ATXN8OS: variants seen among roughly 807,000 people sequenced by gnomAD.
ATXN8OS encodes ATXN8 opposite strand lncRNA.
At chr13:70,145,720 GA>G (rs1488472431) in intron 3 of ATXN8OS, among the ~76,000 whole-genome samples, 1 of 152,110 alleles carries the variant, frequency 6.6e-6, no homozygotes, top group Non-Finnish European at 1.5e-5. Flanking sequence ...AGACTTTGCT[GA>G]AGTTGCTTCT....
intron 2 of ATXN8OS, among the ~76,000 whole-genome samples, chr13:70,128,350 T>C (rs1888474621): frequency 6.6e-6 from 1 of 152,170 alleles, no homozygotes; most frequent in African/African-American, 2.4e-5. Flanking sequence ...CCACTGTTCT[T>C]TCTGAACATT....
chr13:70,132,307 ATTTT>A (rs11301182), intron 3 of ATXN8OS, among the ~76,000 whole-genome samples: 21 of 142,324 alleles, frequency 1.5e-4, no homozygotes, highest in African/African-American at 4.4e-4. Flanking sequence ...CAAAATTATG[ATTTT>A]TTTTTTTTTT....
At chr13:70,137,930 A>G (rs1454310775) in intron 3 of ATXN8OS, among the ~76,000 whole-genome samples, 1 of 152,200 alleles carries the variant, frequency 6.6e-6, no homozygotes, top group East Asian at 1.9e-4. Context: ...ACAGAAAGTG[A>G]AGGGGAAGAA....
intron 1 of ATXN8OS, among the ~76,000 whole-genome samples, chr13:70,114,316 G>C (rs1359028604): frequency 6.6e-6 from 1 of 152,032 alleles, no homozygotes; most frequent in African/African-American, 2.4e-5. Flanking sequence ...TATAACTCTA[G>C]TCACTGGCCA....
intron 1 of ATXN8OS, among the ~76,000 whole-genome samples, chr13:70,110,409 G>A (rs983794556): frequency 2.0e-5 from 3 of 151,912 alleles, no homozygotes; most frequent in African/African-American, 7.3e-5. Flanking sequence ...TACGCATGAA[G>A]TTATGTTAAA....
intron 4 of ATXN8OS, among the ~76,000 whole-genome samples, chr13:70,152,824 TTA>T (rs1888887992): frequency 6.6e-6 from 1 of 152,150 alleles, no homozygotes. Context: ...ATTTACTCAT[TTA>T]TTTTTCCCAG....
At chr13:70,166,445 G>A (rs1295435901) in intron 4 of ATXN8OS, among the ~76,000 whole-genome samples, 1 of 151,984 alleles carries the variant, frequency 6.6e-6, no homozygotes, top group Non-Finnish European at 1.5e-5. Context: ...ATGGTGCTGG[G>A]AAAACTGGCT....
intron 4 of ATXN8OS, among the ~76,000 whole-genome samples, chr13:70,164,881 A>G (rs1889061208): frequency 6.6e-6 from 1 of 152,080 alleles, no homozygotes; most frequent in South Asian, 2.1e-4. Context: ...AGAATTGTGG[A>G]AAATTTCTAA....
At chr13:70,144,684 AT>A (rs1357354304) in intron 3 of ATXN8OS, among the ~76,000 whole-genome samples, 2 of 152,000 alleles carry the variant, frequency 1.3e-5, no homozygotes, top group African/African-American at 2.4e-5. Context: ...CATAGCAGAA[AT>A]TTTTAATTAT....
intron 3 of ATXN8OS, among the ~76,000 whole-genome samples, chr13:70,142,656 C>A (rs302016): frequency 0.85 from 129,424 of 152,242 alleles, 55,138 homozygotes; most frequent in East Asian, 1. Flanking sequence ...ACTAGATAGC[C>A]TAGATCTTAG....
chr13:70,111,324 G>C (rs1368526842), intron 1 of ATXN8OS, among the ~76,000 whole-genome samples: 1 of 152,090 alleles, frequency 6.6e-6, no homozygotes, highest in Non-Finnish European at 1.5e-5. Flanking sequence ...TAAAGATAAG[G>C]AATTTATTTA....
intron 4 of ATXN8OS, among the ~76,000 whole-genome samples, chr13:70,157,554 TA>T (rs35761437): frequency 1.8e-4 from 26 of 147,494 alleles, no homozygotes; most frequent in Admixed American, 4.1e-4. Flanking sequence ...TACCAGCAGT[TA>T]AAAAAAAAAA....
chr13:70,129,713 C>G, intron 2 of ATXN8OS: 1 of 397,942 alleles, frequency 2.5e-6, no homozygotes, highest in Non-Finnish European at 4.4e-6. Context: ...TCTGTACAGA[C>G]TAGCAAAATA....
intron 2 of ATXN8OS, among the ~76,000 whole-genome samples, chr13:70,126,339 C>T (rs1323003448): frequency 6.6e-6 from 1 of 152,052 alleles, no homozygotes; most frequent in Admixed American, 6.6e-5. Context: ...ACAAAAAAAG[C>T]TAAACATATA....
chr13:70,139,419 G>GCTT, intron 3 of ATXN8OS: 1 of 770,730 alleles, frequency 1.3e-6, no homozygotes, highest in South Asian at 1.7e-5. Context: ...TGCTGCTGCT[G>GCTT]CTGCTGCTGC....
At chr13:70,143,153 T>C (rs1012876142) in intron 3 of ATXN8OS, among the ~76,000 whole-genome samples, 3 of 152,200 alleles carry the variant, frequency 2.0e-5, no homozygotes, top group African/African-American at 7.2e-5. Flanking sequence ...CTAAATACTT[T>C]ACCAACTTGC....
chr13:70,111,031 CAG>C (rs1238986489), intron 1 of ATXN8OS, among the ~76,000 whole-genome samples: 4 of 152,298 alleles, frequency 2.6e-5, no homozygotes, highest in South Asian at 2.1e-4. Flanking sequence ...TTGAATCAAT[CAG>C]AGTCTTTCAA....
At chr13:70,108,169 C>CTCAGAGT in intron 1 of ATXN8OS, 1 of 399,800 alleles carries the variant, frequency 2.5e-6, no homozygotes, top group Non-Finnish European at 4.4e-6. Flanking sequence ...GTCCTTGCAG[C>CTCAGAGT]TCAGAGTTCA....
upstream of ATXN8OS, chr13:70,107,578 T>C: frequency 6.2e-7 from 1 of 1,605,084 alleles, no homozygotes; most frequent in East Asian, 2.2e-5. Context: ...GCCACTGCCG[T>C]CCTGTTGCAG....
Sources: allele counts gnomAD v4.1 joint callset (sites outside exome capture counted in the v4.1 genomes callset), GRCh38; gene constraint gnomAD v4.1.1; transcripts MANE v1.5; gene names NCBI Gene and HGNC (gene_info 2026-07-23, HGNC 2026-07-21).